MACROD2: variants seen among roughly 807,000 people sequenced by gnomAD.
MACROD2 encodes the protein mono-ADP ribosylhydrolase 2.
Under a neutral mutation model 70.4 loss-of-function variants are expected in MACROD2, and 36 were observed. The observed-to-expected ratio is 0.51, with a 90% CI of 0.39 to 0.68. The LOEUF is 0.68. Among genes scored for constraint, MACROD2 ranks in the 30% least tolerant of loss-of-function variants. The probability of loss-of-function intolerance (pLI) is 0.00; values close to 1 mark genes in which losing one functional copy is unlikely to be tolerated. For synonymous variants in MACROD2, 172 were observed against 178.8 expected, an observed-to-expected ratio of 0.96 and a Z score of 0.30; for missense variants, 496 against 538.4, an observed-to-expected ratio of 0.92 and a Z score of 0.78.
At chr20:14,702,590 T>TAC (rs751794401) in intron 5 of MACROD2, among the ~76,000 whole-genome samples, 4 of 9,752 alleles carry the variant, frequency 4.1e-4, no homozygotes, top group South Asian at 5.4e-3. Flanking sequence ...TATATATGTA[T>TAC]ATATATGTGT....
At chr20:15,798,979 G>T (rs1379169637) in intron 8 of MACROD2, among the ~76,000 whole-genome samples, 5 of 152,148 alleles carry the variant, frequency 3.3e-5, no homozygotes, top group Non-Finnish European at 5.9e-5. Context: ...GAAACCCGGG[G>T]TATGTATCAT....
At chr20:14,970,991 G>A (rs966090069) in intron 5 of MACROD2, among the ~76,000 whole-genome samples, 1 of 152,178 alleles carries the variant, frequency 6.6e-6, no homozygotes, top group East Asian at 1.9e-4. Flanking sequence ...CATGGGAACT[G>A]AATACAGGCA....
At chr20:15,608,230 A>C (rs530406152) in intron 8 of MACROD2, among the ~76,000 whole-genome samples, 1 of 152,316 alleles carries the variant, frequency 6.6e-6, no homozygotes, top group Non-Finnish European at 1.5e-5. Flanking sequence ...CTGTGATTAA[A>C]ATATTTTTCA....
intron 8 of MACROD2, among the ~76,000 whole-genome samples, chr20:15,542,311 C>T (rs1037601438): frequency 6.6e-5 from 10 of 152,072 alleles, no homozygotes; most frequent in African/African-American, 1.4e-4. Flanking sequence ...ATTGTGAGCA[C>T]AATGATTGTA....
intron 8 of MACROD2, among the ~76,000 whole-genome samples, chr20:15,507,464 TCTTTTCTTTC>T (rs2047441744): frequency 6.6e-6 from 1 of 151,620 alleles, no homozygotes; most frequent in Non-Finnish European, 1.5e-5. Flanking sequence ...TTTATTTTCT[TCTTTTCTTTC>T]CTTTTCTTTT....
intron 3 of MACROD2, among the ~76,000 whole-genome samples, chr20:14,108,071 C>T (rs1411149342): frequency 6.6e-6 from 1 of 151,798 alleles, no homozygotes; most frequent in African/African-American, 2.4e-5. Context: ...AAGATATAGA[C>T]AGTACAATAA....
At chr20:14,232,217 A>AT (rs58280260) in intron 3 of MACROD2, among the ~76,000 whole-genome samples, 147,600 of 152,294 alleles carry the variant, frequency 0.97, 71,544 homozygotes, top group Admixed American at 0.99. Flanking sequence ...GTCCTTGCCC[A>AT]GCCTATTCTT....
intron 4 of MACROD2, among the ~76,000 whole-genome samples, chr20:14,574,442 A>G (rs1434849979): frequency 1.3e-5 from 2 of 152,150 alleles, no homozygotes; most frequent in Non-Finnish European, 2.9e-5. Context: ...TTGGCAATAA[A>G]TATAAGCAGT....
At chr20:15,460,938 T>C (rs2046799616) in intron 7 of MACROD2, among the ~76,000 whole-genome samples, 1 of 146,294 alleles carries the variant, frequency 6.8e-6, no homozygotes, top group Non-Finnish European at 1.5e-5. Context: ...CCACTTTTCT[T>C]CATTATAAAT....
chr20:15,874,454 G>T (rs1002239623), intron 9 of MACROD2, among the ~76,000 whole-genome samples: 3 of 152,106 alleles, frequency 2.0e-5, no homozygotes, highest in African/African-American at 4.8e-5. Flanking sequence ...TGGGTCAAAT[G>T]GTATTTCTAG....
chr20:15,931,496 G>A (rs2065576029), intron 10 of MACROD2, among the ~76,000 whole-genome samples: 1 of 151,986 alleles, frequency 6.6e-6, no homozygotes, highest in South Asian at 2.1e-4. Flanking sequence ...TAAAAAATCA[G>A]TCAGGCTTGG....
rs555457402 is a variant in MACROD2, at chr20:16,026,743, A to G, written c.1154-14458A>G. Among the ~76,000 whole-genome samples the G allele has an allele frequency of 2.0e-5, 3 of 152,222 alleles. No homozygotes were observed. In the South Asian group the frequency reaches 6.2e-4, roughly 32 times the overall value. On this transcript the variant is annotated intron_variant, in intron 15 of 17. Coordinates refer to ENST00000684519, the MANE Select transcript of MACROD2 (RefSeq NM_001351661.2). ...GGAGTTTTTTTTATTTTTTGAGGAA[A>G]GTGGCCCTTTTTCAGACAACAAAAG...
At chr20:15,982,599 G>T (rs1005074386) in intron 13 of MACROD2, among the ~76,000 whole-genome samples, 1 of 152,132 alleles carries the variant, frequency 6.6e-6, no homozygotes, top group African/African-American at 2.4e-5. Context: ...GGTCTTGGAG[G>T]TTGGGCCTAC....
At chr20:15,135,828 C>T (rs946493442) in intron 5 of MACROD2, among the ~76,000 whole-genome samples, 10 of 147,912 alleles carry the variant, frequency 6.8e-5, no homozygotes, top group Admixed American at 6.8e-5. Flanking sequence ...ATTGTCTCAG[C>T]CCAAAATCTC....
At chr20:14,339,996 GC>G (rs565687425) in intron 3 of MACROD2, among the ~76,000 whole-genome samples, 3 of 152,100 alleles carry the variant, frequency 2.0e-5, no homozygotes, top group Non-Finnish European at 4.4e-5. Context: ...AATAATGTGT[GC>G]CCCCTTTGAA....
rs536420027 is a variant in MACROD2 at position 15,899,679 on chromosome 20, C to T, written c.775+13868C>T. 1.8e-4 allele frequency among the ~76,000 whole-genome samples: 28 copies of T among 152,294 alleles called. 1 individual carries two copies. In the South Asian group the frequency reaches 4.1e-3, roughly 23 times the overall value. ...TTCCATCATATTTTTACAGAAAGCA[C>T]TAGCACTTTGACTCTTGCTCCACAA... On this transcript the variant is annotated intron_variant, in intron 10 of 17. Transcript: ENST00000684519.
intron 2 of MACROD2, among the ~76,000 whole-genome samples, chr20:14,082,363 T>TC (rs2054010203): frequency 6.7e-6 from 1 of 148,292 alleles, no homozygotes; most frequent in African/African-American, 2.5e-5. Context: ...TATTTTTTTT[T>TC]TTTTTTTTTT....
intron 3 of MACROD2, among the ~76,000 whole-genome samples, chr20:14,157,929 G>A (rs1484757678): frequency 6.6e-6 from 1 of 152,050 alleles, no homozygotes; most frequent in African/African-American, 2.4e-5. Flanking sequence ...TTTTCCTTTG[G>A]ATAAATACCC....
chr20:15,892,149 G>T (rs2064898968), intron 10 of MACROD2, among the ~76,000 whole-genome samples: 1 of 152,146 alleles, frequency 6.6e-6, no homozygotes, highest in African/African-American at 2.4e-5. Flanking sequence ...AGCACAGCAG[G>T]GGTGGTGAAG....
Sources: allele counts gnomAD v4.1 joint callset (sites outside exome capture counted in the v4.1 genomes callset), GRCh38; gene constraint gnomAD v4.1.1; transcripts MANE v1.5; gene names NCBI Gene and HGNC (gene_info 2026-07-23, HGNC 2026-07-21).